VPS13B: variants seen among roughly 807,000 people sequenced by gnomAD.
VPS13B encodes vacuolar protein sorting 13 homolog B.
VPS13B carries 285 observed loss-of-function variants against 426.4 expected under a neutral mutation model. The observed-to-expected ratio is 0.67, with a 90% CI of 0.61 to 0.74. VPS13B has a LOEUF of 0.74. Ranked by LOEUF, VPS13B falls within the 30% of genes least tolerant of loss-of-function variation. The pLI, the probability that VPS13B is intolerant of heterozygous loss-of-function variation, is 0.00. For missense variants in VPS13B, 4,537 were observed against 4,782.6 expected (o/e 0.95, Z 1.51); for synonymous variants, 1,676 against 1,676.4 (o/e 1.00, Z 0.01).
intron 19 of VPS13B, among the ~76,000 whole-genome samples, chr8:99,302,027 TAAG>T (rs1015909046): frequency 1.1e-4 from 16 of 152,218 alleles, no homozygotes; most frequent in Non-Finnish European, 1.5e-5. Flanking sequence ...TAGTGTCAAA[TAAG>T]AGAGCTCTGG....
At chr8:99,632,864 G>A (rs1245904576) in intron 33 of VPS13B, among the ~76,000 whole-genome samples, 1 of 151,926 alleles carries the variant, frequency 6.6e-6, no homozygotes, top group Non-Finnish European at 1.5e-5. Flanking sequence ...CCATTCTGTT[G>A]GGTCTTGATG....
At chr8:99,594,425 A>G (rs1406697444) in intron 33 of VPS13B, among the ~76,000 whole-genome samples, 2 of 151,978 alleles carry the variant, frequency 1.3e-5, no homozygotes, top group Admixed American at 6.6e-5. Context: ...AGTGATTGTT[A>G]TATAATAAGA....
At chr8:99,685,562 T>C (rs959457610) in intron 35 of VPS13B, among the ~76,000 whole-genome samples, 4 of 152,210 alleles carry the variant, frequency 2.6e-5, no homozygotes, top group Admixed American at 1.3e-4. Context: ...TCATTCTCAT[T>C]GTCTCCTCTG....
At chr8:99,706,408 C>A (rs1832499806) in intron 36 of VPS13B, among the ~76,000 whole-genome samples, 2 of 152,134 alleles carry the variant, frequency 1.3e-5, no homozygotes, top group African/African-American at 4.8e-5. Context: ...CCACATGTGT[C>A]CACATGCAAT....
intron 19 of VPS13B, among the ~76,000 whole-genome samples, chr8:99,297,447 T>C (rs1820103863): frequency 1.3e-5 from 2 of 152,198 alleles, no homozygotes; most frequent in South Asian, 4.1e-4. Context: ...TAATGTTTTT[T>C]AAATAATTGT....
chr8:99,319,333 A>G (rs779574355), intron 19 of VPS13B, among the ~76,000 whole-genome samples: 3 of 152,226 alleles, frequency 2.0e-5, no homozygotes, highest in Non-Finnish European at 4.4e-5. Context: ...GCGAAATGAT[A>G]TAAAATTTTC....
In VPS13B at chr8:99,699,510, T is replaced by C. The variant is rs1832181974; in HGVS notation, c.6047-15T>C. 9.3e-6 allele frequency: 15 copies of C among 1,612,250 alleles called. No individual in the cohort carries two copies. Among genetic ancestry groups the C allele is most frequent in the Non-Finnish European group, 1.3e-5 (15 of 1,179,860 alleles). Reference sequence around the variant, plus strand: ...GAAAGCTTCAATAATTGTTTTCTCTTTTTTACTTCTATAGCGGATGTCAAT... The same window carrying C: ...GAAAGCTTCAATAATTGTTTTCTCTCTTTTACTTCTATAGCGGATGTCAAT... On this transcript the variant is annotated splice_polypyrimidine_tract_variant and intron_variant, in intron 35 of 61. Coordinates refer to ENST00000357162, the MANE Select transcript of VPS13B (RefSeq NM_152564.5).
chr8:99,226,137 G>A (rs933001562), intron 17 of VPS13B, among the ~76,000 whole-genome samples: 1 of 151,946 alleles, frequency 6.6e-6, no homozygotes, highest in Non-Finnish European at 1.5e-5. Flanking sequence ...GTAGAGATGG[G>A]GTTTCACTGT....
chr8:99,542,160 A>T (rs981395582), intron 30 of VPS13B, among the ~76,000 whole-genome samples: 10 of 152,176 alleles, frequency 6.6e-5, no homozygotes, highest in Admixed American at 1.3e-4. Flanking sequence ...AAGTGCTGGG[A>T]TTACAGACGT....
chr8:99,826,554 C>G (rs774434392), intron 51 of VPS13B, among the ~76,000 whole-genome samples: 5 of 152,080 alleles, frequency 3.3e-5, no homozygotes, highest in East Asian at 1.9e-4. Context: ...ATTTGAATAC[C>G]CTTTATTTCT....
chr8:99,581,594 T>C (rs1293762878), intron 33 of VPS13B, among the ~76,000 whole-genome samples: 5 of 152,200 alleles, frequency 3.3e-5, no homozygotes, highest in Non-Finnish European at 7.4e-5. Flanking sequence ...TTTCTGCCTT[T>C]AAATGAACCT....
At chr8:99,537,831 A>G (rs751148007) in intron 30 of VPS13B, among the ~76,000 whole-genome samples, 1 of 152,192 alleles carries the variant, frequency 6.6e-6, no homozygotes, top group Non-Finnish European at 1.5e-5. Context: ...GGTGTGGTCC[A>G]GGTCATTAAA....
At chr8:99,508,777 A>G (rs1399062174) in intron 28 of VPS13B, among the ~76,000 whole-genome samples, 1 of 152,032 alleles carries the variant, frequency 6.6e-6, no homozygotes, top group African/African-American at 2.4e-5. Flanking sequence ...AAGTTTCTTT[A>G]CTTAGTGTTT....
At chr8:99,042,192 A>G (rs1186612648) in intron 3 of VPS13B, among the ~76,000 whole-genome samples, 1 of 152,086 alleles carries the variant, frequency 6.6e-6, no homozygotes, top group Non-Finnish European at 1.5e-5. Context: ...ATCTGAGATT[A>G]TCTTCTAATA....
At chr8:99,339,728 C>T (rs1208764702) in intron 19 of VPS13B, among the ~76,000 whole-genome samples, 1 of 151,680 alleles carries the variant, frequency 6.6e-6, no homozygotes, top group Admixed American at 6.6e-5. Context: ...AAATCTCAAA[C>T]AAGAAAGGCA....
chr8:99,816,104 CTCTCT>C (rs1814018931), intron 44 of VPS13B, among the ~76,000 whole-genome samples: 1 of 147,884 alleles, frequency 6.8e-6, no homozygotes, highest in Non-Finnish European at 1.5e-5. Flanking sequence ...CTCTCTCTCT[CTCTCT>C]TTTTTTTTTT....
intron 3 of VPS13B, among the ~76,000 whole-genome samples, chr8:99,083,180 C>G (rs527349377): frequency 2.0e-5 from 3 of 152,210 alleles, no homozygotes; most frequent in Admixed American, 6.5e-5. Context: ...TCCTTCACAT[C>G]CCTTGTAAGT....
chr8:99,107,520 A>G lies in VPS13B; in HGVS notation c.581-3578A>G, dbSNP rs1279073561. Reference sequence around the variant, plus strand: ...CCTTCCCCTTACGTATTTTTTTTTTATAATTTCCAAGACTTTTATTTCAGT... The same window carrying G: ...CCTTCCCCTTACGTATTTTTTTTTTGTAATTTCCAAGACTTTTATTTCAGT... On this transcript the variant is annotated intron_variant, in intron 5 of 61. Coordinates refer to ENST00000357162, the MANE Select transcript of VPS13B (RefSeq NM_152564.5). Among the ~76,000 whole-genome samples, 3 of 150,792 alleles carry G rather than the reference A, an allele frequency of 2.0e-5. No individual in the cohort carries two copies. In the East Asian group the frequency reaches 5.8e-4, roughly 29 times the overall value.
At chr8:99,172,487 AT>A (rs1238390712) in intron 16 of VPS13B, among the ~76,000 whole-genome samples, 1 of 152,182 alleles carries the variant, frequency 6.6e-6, no homozygotes, top group African/African-American at 2.4e-5. Flanking sequence ...GAGAGGTTAA[AT>A]AAGTTGTCCA....
Sources: allele counts gnomAD v4.1 joint callset (sites outside exome capture counted in the v4.1 genomes callset), GRCh38; gene constraint gnomAD v4.1.1; transcripts MANE v1.5; gene names NCBI Gene and HGNC (gene_info 2026-07-23, HGNC 2026-07-21).